The following ZNF655 variants were observed in gnomAD, a reference collection of about 807,000 sequenced individuals.
The protein encoded by ZNF655 is zinc finger protein 655.
In ZNF655, 3 loss-of-function variants were observed where a neutral mutation model predicts 6.6. The ratio of observed to expected loss-of-function variants is 0.46; its 90% CI spans 0.21 to 1.18. The LOEUF (loss-of-function observed/expected upper bound fraction) is 1.18. ZNF655 is among the 50% of genes most tolerant of loss of function. The pLI is 0.24. For synonymous variants in ZNF655, 178 were observed against 195.0 expected (o/e 0.91, Z 0.73); for missense variants, 526 against 572.3 (o/e 0.92, Z 0.83).
chr7:99,571,966 A>G (rs1804109884), intron 2 of ZNF655, among the ~76,000 whole-genome samples: 1 of 152,166 alleles, frequency 6.6e-6, no homozygotes, highest in Non-Finnish European at 1.5e-5. Context: ...GTATCCGTGC[A>G]CATGTCGTAC....
At chr7:99,559,541 C>T (rs1802911748) in intron 1 of ZNF655, among the ~76,000 whole-genome samples, 1 of 152,102 alleles carries the variant, frequency 6.6e-6, no homozygotes. Context: ...TCTGCTAAAA[C>T]AAAATTAAAA....
At chr7:99,561,972 A>G (rs1803218549) in intron 2 of ZNF655, 9 of 1,581,508 alleles carry the variant, frequency 5.7e-6, no homozygotes, top group Non-Finnish European at 1.7e-6. Flanking sequence ...GCCAGGTACC[A>G]GGTGAGCTGA....
At chr7:99,563,911 G>A (rs1803420471) in intron 2 of ZNF655, 1 of 1,613,130 alleles carries the variant, frequency 6.2e-7, no homozygotes, top group South Asian at 1.1e-5. Flanking sequence ...GTGAATTCCT[G>A]CCCGGCCCTG....
rs768135516 is a variant in ZNF655, at chr7:99,563,744, A to G, written c.136+3049A>G. ...TGTCTATGCTGGTGGCATCCAGGGC[A>G]TTGCTTTGTCTCCCTGATTATGCTC... On this transcript the variant is annotated intron_variant, in intron 2 of 2. Coordinates refer to ENST00000252713, the MANE Select transcript of ZNF655 (RefSeq NM_138494.3). 9 of 1,170,882 alleles carry G rather than the reference A, an allele frequency of 7.7e-6. No homozygotes were observed. The East Asian group carries it at 1.0e-4, about 13-fold the overall frequency. 72.5% of individuals were successfully genotyped at this position (1,170,882 alleles called of 1,614,324 possible).
Position 99,574,039 on chromosome 7 carries a change from A to AC in ZNF655, c.*455_*456insC. The AC allele has an allele frequency of 6.2e-6, 1 of 160,642 alleles. No individual in the cohort carries two copies. Among genetic ancestry groups the AC allele is most frequent in the South Asian group, 1.8e-4 (1 of 5,574 alleles). 10.0% of individuals were successfully genotyped at this position (160,642 alleles called of 1,614,324 possible). A position where few individuals can be genotyped will look rare whatever the true frequency, so the allele number is the denominator to read the frequency against. On this transcript the variant is annotated 3_prime_UTR_variant, in exon 3 of 3. Transcript: ENST00000252713. Reference sequence around the variant, plus strand: ...TATGTGTGTGAGGAGATTCAGTCATAACCCAACGCTCATTCAACATCAAAG... The same window carrying AC: ...TATGTGTGTGAGGAGATTCAGTCATACACCCAACGCTCATTCAACATCAAAG...
At chr7:99,561,702 C>T (rs938090275) in intron 2 of ZNF655, among the ~76,000 whole-genome samples, 8 of 152,316 alleles carry the variant, frequency 5.3e-5, no homozygotes, top group East Asian at 1.9e-4. Context: ...GGTCAAAACA[C>T]GCATAAGGCA....
In ZNF655 at chr7:99,575,641, G is replaced by C. The variant is rs747315230; in HGVS notation, c.*2057G>C. ...CCTTCCAACAGAGATGATGCTGTTC[G>C]TATGTTAATCTCAGAGACAGTATTT... is the stretch of plus-strand genomic sequence containing the variant. On this transcript the variant is annotated 3_prime_UTR_variant, in exon 3 of 3. Coordinates refer to ENST00000252713, the MANE Select transcript of ZNF655 (RefSeq NM_138494.3). The C allele has an allele frequency of 2.0e-5, 3 of 152,084 alleles. No individual in the cohort carries two copies. Among genetic ancestry groups the C allele is most frequent in the South Asian group, 2.1e-4 (1 of 4,820 alleles). 9.4% of individuals were successfully genotyped at this position (152,084 alleles called of 1,614,324 possible).
chr7:99,563,716 C>T (rs1319896417), intron 2 of ZNF655: 2 of 743,350 alleles, frequency 2.7e-6, no homozygotes, highest in Admixed American at 3.0e-5. Flanking sequence ...TTTCCGTTGG[C>T]TTTGTCTATG....
rs775086639 is a variant in ZNF655 at position 99,572,359 on chromosome 7, C to T, written c.251C>T (p.Pro84Leu). The change falls in exon 3 of 3, where the codon CCT becomes CTT. Residue 84 changes from proline to leucine, a missense_variant. Pro to Leu is a moderately conservative substitution (Grantham distance 98, BLOSUM62 -3). Coordinates refer to ENST00000252713, the MANE Select transcript of ZNF655 (RefSeq NM_138494.3). The stretch of plus-strand genomic sequence containing the variant: ...CTCAAACACGATATTACCCAAGTTC[C>T]TGAGACTAGAGAAGTGTATAAGTCT... ...GRLKHDITQV[P>L]ETREVYKSED... The T allele has an allele frequency of 1.7e-5, 27 of 1,613,706 alleles. No individual in the cohort carries two copies. The highest frequency in any genetic ancestry group is 2.3e-5 in the Non-Finnish European group (27 of 1,179,938).
chr7:99,572,346 A>G lies in ZNF655; in HGVS notation c.238A>G (p.Ile80Val), dbSNP rs1180037283. Residue 80 changes from isoleucine to valine, a missense_variant, in exon 3 of 3, where the codon ATT becomes GTT. Physicochemically the swap from Ile to Val is conservative, Grantham distance 29 (BLOSUM62 3). Coordinates refer to ENST00000252713, the MANE Select transcript of ZNF655 (RefSeq NM_138494.3). ...KVRVGRLKHD[I>V]TQVPETREVY... ...GAGAGTAGGAAGACTCAAACACGAT[A>G]TTACCCAAGTTCCTGAGACTAGAGA... 6.2e-7 allele frequency: 1 copy of G among 1,613,876 alleles called. No homozygotes were observed. The highest frequency in any genetic ancestry group is 1.7e-5 in the Admixed American group (1 of 60,014).
At chr7:99,560,187 C>T (rs982889205) in intron 1 of ZNF655, among the ~76,000 whole-genome samples, 2 of 150,960 alleles carry the variant, frequency 1.3e-5, no homozygotes, top group African/African-American at 2.4e-5. Context: ...TGTATTCAAG[C>T]AATTCTCCTG....
At chr7:99,559,319 C>T (rs1168585601) in intron 1 of ZNF655, among the ~76,000 whole-genome samples, 1 of 152,128 alleles carries the variant, frequency 6.6e-6, no homozygotes, top group Non-Finnish European at 1.5e-5. Context: ...TTCGCCAAGC[C>T]CGTGTAGTAA....
At chr7:99,560,736 G>A (rs1803075984) in intron 2 of ZNF655, 41 bp downstream of exon 2, 2 of 1,601,756 alleles carry the variant, frequency 1.2e-6, no homozygotes, top group Non-Finnish European at 1.7e-6. Context: ...GAGTGGGAGT[G>A]CGGAGGGGCT....
chr7:99,561,300 T>C (rs1308224244), intron 2 of ZNF655, among the ~76,000 whole-genome samples: 1 of 152,236 alleles, frequency 6.6e-6, no homozygotes, highest in Non-Finnish European at 1.5e-5. Context: ...AGCTGTGTCT[T>C]AGATTGCCTG....
Position 99,572,800 on chromosome 7 carries a change from A to T in ZNF655, c.692A>T (p.Gln231Leu). 1 of 1,613,614 alleles carries T rather than the reference A, an allele frequency of 6.2e-7. No homozygotes were observed. The highest frequency in any genetic ancestry group is 2.2e-5 in the East Asian group (1 of 44,872). Residue 231 changes from glutamine (Q) to leucine (L), a missense_variant, in exon 3 of 3, where the codon CAG becomes CTG. Coordinates refer to ENST00000252713, the MANE Select transcript of ZNF655 (RefSeq NM_138494.3). ...FHQSSALTRH[Q>L]RIHTREKPYK... ...CAGAGCTCAGCCCTTACTAGACATC[A>T]GAGAATCCATACTAGAGAGAAGCCC...
chr7:99,567,102 T>C (rs926871395), intron 2 of ZNF655, among the ~76,000 whole-genome samples: 1 of 152,168 alleles, frequency 6.6e-6, no homozygotes, highest in African/African-American at 2.4e-5. Context: ...GTATTTTTAG[T>C]AGAGATGGGG....
At chr7:99,571,435 T>A (rs1804063177) in intron 2 of ZNF655, 1 of 1,238,180 alleles carries the variant, frequency 8.1e-7, no homozygotes, top group East Asian at 4.6e-5. Flanking sequence ...CATGCACACA[T>A]TCTGTTGTCT....
Position 99,572,692 on chromosome 7 carries a change from AT to A in ZNF655, c.585del (p.Leu196SerfsTer95). The A allele has an allele frequency of 1.2e-6, 2 of 1,613,590 alleles. No individual in the cohort carries two copies. Among genetic ancestry groups the A allele is most frequent in the Non-Finnish European group, 1.7e-6 (2 of 1,179,948 alleles). ...QSSECKESLM[D>X]LSHLNKWESI... ...AGTGAATGTAAGGAAAGCTTAATGG[AT>A]CTCTCCCACCTTAATAAATGGGAGA... On this transcript the variant is annotated frameshift_variant, in exon 3 of 3. Transcript: ENST00000252713. LOFTEE classifies it low-confidence loss of function (END_TRUNC).
chr7:99,564,633 T>C, intron 2 of ZNF655: 2 of 985,206 alleles, frequency 2.0e-6, no homozygotes, highest in Non-Finnish European at 2.4e-6. Flanking sequence ...CTTTGTAAAC[T>C]GTAAAGTGAC....
Sources: gnomAD v4.1 joint callset for allele counts (sites outside exome capture counted in the v4.1 genomes callset) on GRCh38, gnomAD v4.1.1 for gene constraint, MANE v1.5 for transcripts, NCBI Gene and HGNC (gene_info 2026-07-23, HGNC 2026-07-21) for gene names.